The following SUCNR1 variants were observed in gnomAD, a reference collection of about 807,000 sequenced individuals.
The protein encoded by SUCNR1 is succinate receptor 1.
SUCNR1 carries 5 observed loss-of-function variants against 2.4 expected under a neutral mutation model. The ratio of observed to expected loss-of-function variants is 2.07; its 90% CI spans 1.08 to 4.36. The LOEUF (loss-of-function observed/expected upper bound fraction) is 4.36, where lower values mean the gene tolerates loss of function less well. Among genes scored for constraint, SUCNR1 ranks in the 30% most tolerant of loss-of-function variants. The probability of loss-of-function intolerance (pLI) is 0.00; values close to 1 mark genes in which losing one functional copy is unlikely to be tolerated. For synonymous variants in SUCNR1, 162 were observed against 143.9 expected (o/e 1.13, Z -0.90); for missense variants, 373 against 399.2 (o/e 0.93, Z 0.56).
chr3:151,874,205 GTGTC>G (rs1204584766), intron 1 of SUCNR1, among the ~76,000 whole-genome samples: 1 of 137,746 alleles, frequency 7.3e-6, no homozygotes, highest in African/African-American at 2.7e-5. Context: ...CCAGGCTAGA[GTGTC>G]TGAGTGCCAG....
At chr3:151,875,080 G>T (rs1717884251) in intron 1 of SUCNR1, among the ~76,000 whole-genome samples, 1 of 152,026 alleles carries the variant, frequency 6.6e-6, no homozygotes, top group African/African-American at 2.4e-5. Context: ...GAGTAAATTA[G>T]ATATTGCTTC....
In SUCNR1 at chr3:151,881,557, T is replaced by A; in HGVS notation, c.*9T>A. The A allele has an allele frequency of 6.4e-7, 1 of 1,573,352 alleles. No homozygotes were observed. The highest frequency in any genetic ancestry group is 8.6e-7 in the Non-Finnish European group (1 of 1,165,240). ...CATTCAGAGAAAAGTGAGGGGCTTG[T>A]GAAACAGATTGTTCTACAGATGAAT... On this transcript the variant is annotated 3_prime_UTR_variant, in exon 3 of 3. Transcript: ENST00000362032.
Position 151,880,836 on chromosome 3 carries a change from A to G in SUCNR1, c.293A>G (p.Asn98Ser). 6.2e-7 allele frequency: 1 copy of G among 1,614,168 alleles called. No homozygotes were observed. Among genetic ancestry groups the G allele is most frequent in the South Asian group, 1.1e-5 (1 of 91,088 alleles). ...WIYGDVLCIS[N>S]RYVLHANLYT... ...TATGGAGACGTGCTCTGCATAAGCA[A>G]CCGATATGTGCTTCATGCCAACCTC... Residue 98 changes from asparagine (N) to serine (S), a missense_variant, in exon 3 of 3, where the codon AAC becomes AGC. By Grantham distance (46) the Asn-to-Ser change is conservative. This residue lies in a region of SUCNR1 where 184 missense variants were observed against 162.2 expected (regional missense o/e 1.13). Transcript: ENST00000362032.
Position 151,880,907 on chromosome 3 carries a change from T to C in SUCNR1, c.364T>C (p.Leu122=), listed in dbSNP as rs1173114066. ...FLTFISIDRY[L]IIKYPFREHL... is the part of the protein sequence containing the mutation. ...CACTTTTATCAGCATAGATCGATAC[T>C]TGATAATTAAGTATCCTTTCCGAGA... The change falls in exon 3 of 3, where the codon TTG becomes CTG. Residue 122 remains leucine (L), a synonymous_variant. Transcript: ENST00000362032. 4 of 1,614,138 alleles carry C rather than the reference T, an allele frequency of 2.5e-6. No individual in the cohort carries two copies. The highest frequency in any genetic ancestry group is 3.4e-6 in the Non-Finnish European group (4 of 1,180,026).
chr3:151,873,915 T>A (rs896369230), intron 1 of SUCNR1, among the ~76,000 whole-genome samples: 29 of 151,956 alleles, frequency 1.9e-4, no homozygotes, highest in Admixed American at 6.6e-5. Context: ...TTCTTTTAGT[T>A]GTCAAATACT....
Position 151,882,739 on chromosome 3 carries a change from T to G in SUCNR1, c.*1191T>G, listed in dbSNP as rs1440012265. ...AACATAAAAATATTTATGTGCATAT[T>G]AACCTGTATTATCCCAGGAGGGTTA... On this transcript the variant is annotated 3_prime_UTR_variant, in exon 3 of 3. Transcript: ENST00000362032. The G allele has an allele frequency of 6.6e-6, 1 of 152,164 alleles. No homozygotes were observed. The highest frequency in any genetic ancestry group is 2.4e-5 in the African/African-American group (1 of 41,450). 9.4% of individuals were successfully genotyped at this position (152,164 alleles called of 1,614,324 possible).
chr3:151,874,146 A>ATTTT (rs56678758), intron 1 of SUCNR1, among the ~76,000 whole-genome samples: 1,079 of 60,086 alleles, frequency 0.018, 72 homozygotes, highest in Admixed American at 0.024. Context: ...ATATATATAT[A>ATTTT]TTTTTTTTTT....
intron 1 of SUCNR1, among the ~76,000 whole-genome samples, chr3:151,876,647 G>A (rs1402884705): frequency 6.6e-6 from 1 of 151,962 alleles, no homozygotes; most frequent in Non-Finnish European, 1.5e-5. Flanking sequence ...ATTTATCCTG[G>A]TAGATATTTA....
chr3:151,879,768 G>A lies in SUCNR1; in HGVS notation c.-41-84G>A, dbSNP rs1218549978. 7.3e-6 allele frequency: 4 copies of A among 549,656 alleles called. No individual in the cohort carries two copies. The Admixed American group carries it at 1.2e-4, about 17-fold the overall frequency. 34.0% of individuals were successfully genotyped at this position (549,656 alleles called of 1,614,324 possible). ...ATAGTTTATGAATTTAATACAATAA[G>A]CAGAATTCTTTGGCAATATGGAAAC... On this transcript the variant is annotated intron_variant, in intron 1 of 2. Transcript: ENST00000362032.
Position 151,882,870 on chromosome 3 carries a change from C to T in SUCNR1, c.*1322C>T, listed in dbSNP as rs1056012006. Reference sequence around the variant, plus strand: ...CACATAATAATTCCTTGATATGCAACATAAAGTACCTATGGCCACATATCT... The same window carrying T: ...CACATAATAATTCCTTGATATGCAATATAAAGTACCTATGGCCACATATCT... On this transcript the variant is annotated 3_prime_UTR_variant, in exon 3 of 3. Transcript: ENST00000362032. The T allele has an allele frequency of 6.6e-6, 1 of 152,068 alleles. No individual in the cohort carries two copies. Among genetic ancestry groups the T allele is most frequent in the Non-Finnish European group, 1.5e-5 (1 of 67,964 alleles). 9.4% of individuals were successfully genotyped at this position (152,068 alleles called of 1,614,324 possible).
At position 151,879,832 on chromosome 3, in the gene SUCNR1, A is replaced by G; in HGVS notation, c.-41-20A>G. On this transcript the variant is annotated intron_variant, in intron 1 of 2. Transcript: ENST00000362032. ...AAATAGTGAGACTGAAGTTCTAAAA[A>G]TTCTTATTTCCTCTTCTAGGTTATG... 10 of 1,299,490 alleles carry G rather than the reference A, an allele frequency of 7.7e-6. No individual in the cohort carries two copies. Among genetic ancestry groups the G allele is most frequent in the Non-Finnish European group, 8.3e-6 (8 of 958,948 alleles). The allele number at this position is 1,299,490 out of a possible 1,614,324, so 80.5% of individuals were successfully genotyped here. A position where few individuals can be genotyped will look rare whatever the true frequency, so the allele number is the denominator to read the frequency against.
At position 151,881,524 on chromosome 3, in the gene SUCNR1, C is replaced by T; in HGVS notation, c.981C>T (p.Leu327=). 6.2e-7 allele frequency: 1 copy of T among 1,602,024 alleles called. No individual in the cohort carries two copies. The highest frequency in any genetic ancestry group is 1.1e-5 in the South Asian group (1 of 88,660). The change falls in exon 3 of 3, where the codon CTC becomes CTT. Residue 327 remains leucine, a synonymous_variant. Transcript: ENST00000362032. ...LTSFSRWAHE[L]LLSFREK ...CCTTTAGCAGATGGGCTCATGAACTCCTACTTTCATTCAGAGAAAAGTGAG... is the reference window on the plus strand; with the variant it reads ...CCTTTAGCAGATGGGCTCATGAACTTCTACTTTCATTCAGAGAAAAGTGAG...
chr3:151,875,319 C>T (rs1410518075), intron 1 of SUCNR1, among the ~76,000 whole-genome samples: 3 of 151,760 alleles, frequency 2.0e-5, no homozygotes, highest in Admixed American at 2.0e-4. Flanking sequence ...GGGAGTTTTG[C>T]TTAAAGGAGC....
At chr3:151,874,146 A>ATATATTT (rs1261567808) in intron 1 of SUCNR1, among the ~76,000 whole-genome samples, 4 of 60,210 alleles carry the variant, frequency 6.6e-5, no homozygotes, top group Non-Finnish European at 8.9e-5. Flanking sequence ...ATATATATAT[A>ATATATTT]TTTTTTTTTT....
chr3:151,878,862 C>A (rs1258061399), intron 1 of SUCNR1, among the ~76,000 whole-genome samples: 1 of 152,128 alleles, frequency 6.6e-6, no homozygotes, highest in Non-Finnish European at 1.5e-5. Flanking sequence ...CTAAAGTAAA[C>A]CACTTGAATT....
chr3:151,879,897 T>C lies in SUCNR1; in HGVS notation c.5T>C (p.Leu2Pro), dbSNP rs746881979. The C allele has an allele frequency of 2.5e-6, 4 of 1,582,862 alleles. No homozygotes were observed. The highest frequency in any genetic ancestry group is 1.7e-6 in the Non-Finnish European group (2 of 1,164,100). The change falls in exon 2 of 3, where the codon CTG becomes CCG. Residue 2 changes from leucine (L) to proline (P), a missense_variant. Physicochemically the swap from Leu to Pro is moderately conservative, Grantham distance 98. Coordinates refer to ENST00000362032, the MANE Select transcript of SUCNR1 (RefSeq NM_033050.6). Reference sequence around the variant, plus strand: ...AATTTGTTGAACAACTACGACATGCTGGGGATCATGGTATGTTTAGAGACA... The same window carrying C: ...AATTTGTTGAACAACTACGACATGCCGGGGATCATGGTATGTTTAGAGACA... M[L>P]GIMAWNATCK...
chr3:151,881,830 C>G lies in SUCNR1; in HGVS notation c.*282C>G, dbSNP rs548735230. On this transcript the variant is annotated 3_prime_UTR_variant, in exon 3 of 3. Transcript: ENST00000362032. ...CAAAAATGGAAGATATATAAAGCAA[C>G]AAGTTGTCTGCATTTGATCACTGGT... is the stretch of plus-strand genomic sequence containing the variant. The G allele has an allele frequency of 5.3e-4, 139 of 262,704 alleles. No homozygotes were observed. Among genetic ancestry groups the G allele is most frequent in the African/African-American group, 3.0e-3 (133 of 44,754 alleles). The allele number at this position is 262,704 out of a possible 1,614,324, so 16.3% of individuals were successfully genotyped here. A position where few individuals can be genotyped will look rare whatever the true frequency, so the allele number is the denominator to read the frequency against.
Position 151,880,750 on chromosome 3 carries a change from C to A in SUCNR1, c.207C>A (p.Asp69Glu). 6.2e-7 allele frequency: 1 copy of A among 1,614,066 alleles called. No individual in the cohort carries two copies. The highest frequency in any genetic ancestry group is 8.5e-7 in the Non-Finnish European group (1 of 1,179,962). The change falls in exon 3 of 3, where the codon GAC (aspartate) becomes GAA (glutamate). Residue 69 changes from aspartate to glutamate, a missense_variant. Around this residue, in one of 3 missense-constraint regions of SUCNR1, gnomAD observed 184 missense variants for 162.2 expected, o/e 1.13. Transcript: ENST00000362032. ...ATCTCTTTAACCTCTCTGTCTCTGA[C>A]TTAGCTTTTCTGTGCACCCTCCCCA... ...NIYLFNLSVS[D>E]LAFLCTLPML...
At position 151,879,871 on chromosome 3, in the gene SUCNR1, G is replaced by A; in HGVS notation, c.-22G>A. Reference sequence around the variant, plus strand: ...TTCTAGGTTATGGTTTAACTCAGCAGAATTTGTTGAACAACTACGACATGC... The same window carrying A: ...TTCTAGGTTATGGTTTAACTCAGCAAAATTTGTTGAACAACTACGACATGC... On this transcript the variant is annotated 5_prime_UTR_variant, in exon 2 of 3. Coordinates refer to ENST00000362032, the MANE Select transcript of SUCNR1 (RefSeq NM_033050.6). The A allele has an allele frequency of 6.4e-7, 1 of 1,565,448 alleles. No individual in the cohort carries two copies. Among genetic ancestry groups the A allele is most frequent in the Non-Finnish European group, 8.7e-7 (1 of 1,154,154 alleles).
Sources: allele counts gnomAD v4.1 joint callset (sites outside exome capture counted in the v4.1 genomes callset), GRCh38; gene constraint gnomAD v4.1.1; regional missense constraint gnomAD v4.1.1; transcripts MANE v1.5; gene names NCBI Gene and HGNC (gene_info 2026-07-23, HGNC 2026-07-21).